Variants in DAB1 observed in about 807,000 individuals in gnomAD.
The protein encoded by DAB1 is DAB adaptor protein 1.
In DAB1, 15 loss-of-function variants were observed where a neutral mutation model predicts 64.6. That is an observed-to-expected ratio of 0.23 (90% CI 0.16 to 0.36). DAB1 has a LOEUF of 0.36. DAB1 is among the 10% of genes least tolerant of loss of function. DAB1 has a pLI of 1.00. For synonymous variants in DAB1, 235 were observed against 251.9 expected, an observed-to-expected ratio of 0.93 and a Z score of 0.64; for missense variants, 596 against 706.7, an observed-to-expected ratio of 0.84 and a Z score of 1.78.
intron 7 of DAB1, among the ~76,000 whole-genome samples, chr1:57,613,470 T>A (rs895101315): frequency 1.3e-5 from 2 of 152,100 alleles, no homozygotes; most frequent in Non-Finnish European, 2.9e-5. Flanking sequence ...TTTCCCATAG[T>A]GTAGTTCGGT....
chr1:58,003,181 C>T (rs912837247), intron 5 of DAB1, among the ~76,000 whole-genome samples: 22 of 152,252 alleles, frequency 1.4e-4, no homozygotes, highest in Admixed American at 1.2e-3. Flanking sequence ...TGAAATCACA[C>T]GTGACAATGG....
intron 4 of DAB1, among the ~76,000 whole-genome samples, chr1:57,083,811 G>A (rs1652794576): frequency 6.6e-6 from 1 of 152,162 alleles, no homozygotes; most frequent in African/African-American, 2.4e-5. Context: ...ATGATTTGGA[G>A]TAGACACAGG....
chr1:57,470,311 G>A (rs933862170), intron 7 of DAB1, among the ~76,000 whole-genome samples: 1 of 152,192 alleles, frequency 6.6e-6, no homozygotes, highest in Non-Finnish European at 1.5e-5. Context: ...TTTTGCAACT[G>A]CAGCTTTTCA....
At chr1:58,120,363 A>G (rs1652663832) in intron 5 of DAB1, among the ~76,000 whole-genome samples, 1 of 152,202 alleles carries the variant, frequency 6.6e-6, no homozygotes, top group Admixed American at 6.5e-5. Flanking sequence ...AAATGTAGTC[A>G]TCATCTTTCA....
intron 4 of DAB1, among the ~76,000 whole-genome samples, chr1:58,215,752 G>T (rs1026230607): frequency 6.6e-6 from 1 of 152,160 alleles, no homozygotes; most frequent in Non-Finnish European, 1.5e-5. Context: ...AACTTAAGCT[G>T]CATAAGAGCC....
At chr1:58,313,818 CATGTGT>C (rs1268813046) in intron 4 of DAB1, among the ~76,000 whole-genome samples, 8 of 85,934 alleles carry the variant, frequency 9.3e-5, no homozygotes, top group Non-Finnish European at 1.9e-4. Flanking sequence ...ATTGTATCTT[CATGTGT>C]GTGTGTGTGT....
intron 2 of DAB1, among the ~76,000 whole-genome samples, chr1:57,186,411 G>A (rs1380348083): frequency 1.3e-5 from 2 of 152,168 alleles, no homozygotes; most frequent in Admixed American, 6.5e-5. Flanking sequence ...AAGGATTATA[G>A]GGATATAAAA....
At chr1:57,746,390 A>T (rs1460760946) in intron 6 of DAB1, among the ~76,000 whole-genome samples, 2 of 152,144 alleles carry the variant, frequency 1.3e-5, no homozygotes, top group African/African-American at 4.8e-5. Context: ...ACACCTTTAA[A>T]TACTCACTAA....
chr1:57,738,873 A>G (rs1647824851), intron 6 of DAB1, among the ~76,000 whole-genome samples: 1 of 152,204 alleles, frequency 6.6e-6, no homozygotes, highest in African/African-American at 2.4e-5. Context: ...TACGATTTCA[A>G]ATAGAGGAAG....
At chr1:58,400,621 G>C (rs953075915) in intron 3 of DAB1, among the ~76,000 whole-genome samples, 1 of 152,130 alleles carries the variant, frequency 6.6e-6, no homozygotes, top group Non-Finnish European at 1.5e-5. Flanking sequence ...AGCTCAGAGG[G>C]GAAACTGTCA....
intron 3 of DAB1, among the ~76,000 whole-genome samples, chr1:58,417,469 C>T (rs371777687): frequency 4.0e-4 from 61 of 152,180 alleles, no homozygotes; most frequent in African/African-American, 1.4e-3. Context: ...GCCCCACGGC[C>T]GGGAGTGGTT....
intron 4 of DAB1, among the ~76,000 whole-genome samples, chr1:57,082,116 C>T (rs1429884058): frequency 2.0e-5 from 3 of 152,142 alleles, no homozygotes; most frequent in Non-Finnish European, 2.9e-5. Flanking sequence ...TTTAACCTAT[C>T]TAGTGAGAGA....
At chr1:58,510,643 GA>G (rs1410689149) in intron 2 of DAB1, among the ~76,000 whole-genome samples, 3 of 151,900 alleles carry the variant, frequency 2.0e-5, no homozygotes, top group Non-Finnish European at 4.4e-5. Context: ...GCAAGAGAAA[GA>G]AATAAAAGGC....
chr1:57,134,846 CA>C (rs1657946252), intron 4 of DAB1, among the ~76,000 whole-genome samples: 1 of 152,102 alleles, frequency 6.6e-6, no homozygotes, highest in Non-Finnish European at 1.5e-5. Flanking sequence ...TTGCTGTCTT[CA>C]ACAATAAAAT....
chr1:57,218,515 T>TAAAAAAAAAAAAAAA (rs776398255), intron 2 of DAB1, among the ~76,000 whole-genome samples: 12 of 71,448 alleles, frequency 1.7e-4, no homozygotes, highest in African/African-American at 7.4e-4. Flanking sequence ...CCCCCATCTC[T>TAAAAAAAAAAAAAAA]AAAAAAAAAA....
chr1:58,267,810 A>G (rs566015099), intron 4 of DAB1, among the ~76,000 whole-genome samples: 1 of 152,316 alleles, frequency 6.6e-6, no homozygotes, highest in South Asian at 2.1e-4. Flanking sequence ...GCTTCCATGC[A>G]TTAATATCTA....
chr1:57,205,011 G>C (rs1450801855), intron 2 of DAB1, among the ~76,000 whole-genome samples: 1 of 152,214 alleles, frequency 6.6e-6, no homozygotes, highest in South Asian at 2.1e-4. Flanking sequence ...AAATAAGGCT[G>C]TTTTGTGGGA....
rs1026052480 is a variant in DAB1, at chr1:57,528,645, C to T, written n.625+120947G>A. Among the ~76,000 whole-genome samples, 57 of 96,888 alleles carry T rather than the reference C, an allele frequency of 5.9e-4. No individual in the cohort carries two copies. The East Asian group carries it at 0.01, about 18-fold the overall frequency. The allele number at this position is 96,888 out of a possible 152,430, so 63.6% of individuals were successfully genotyped here. A position where few individuals can be genotyped will look rare whatever the true frequency, so the allele number is the denominator to read the frequency against. The stretch of plus-strand genomic sequence containing the variant: ...AATATTAAAAGCAGCAGGACACACA[C>T]ACACACACACACACACACACACACA... On this transcript the variant is annotated intron_variant and non_coding_transcript_variant, in intron 7 of 20. Transcript: ENST00000485760.
At chr1:57,494,675 T>G (rs534235115) in intron 7 of DAB1, among the ~76,000 whole-genome samples, 1 of 152,294 alleles carries the variant, frequency 6.6e-6, no homozygotes, top group South Asian at 2.1e-4. Context: ...CCAGTTTGAG[T>G]TGGAGACACA....
Sources: allele counts gnomAD v4.1 joint callset (sites outside exome capture counted in the v4.1 genomes callset), GRCh38; gene constraint gnomAD v4.1.1; transcripts MANE v1.5; gene names NCBI Gene and HGNC (gene_info 2026-07-23, HGNC 2026-07-21).